CFAP61: variants seen among roughly 807,000 people sequenced by gnomAD.
CFAP61 encodes the protein cilia- and flagella-associated protein 61.
CFAP61 carries 107 observed loss-of-function variants against 135.6 expected under a neutral mutation model. That is an observed-to-expected ratio of 0.79 (90% CI 0.67 to 0.93). The LOEUF is 0.93. CFAP61 is among the 40% of genes least tolerant of loss of function. The pLI, the probability that CFAP61 is intolerant of heterozygous loss-of-function variation, is 0.00. For synonymous variants in CFAP61, 575 were observed against 578.5 expected (o/e 0.99, Z 0.09); for missense variants, 1,507 against 1,556.2 (o/e 0.97, Z 0.53).
chr20:20,181,197 ATATATATG>A (rs1339308514), intron 13 of CFAP61, among the ~76,000 whole-genome samples: 1 of 137,234 alleles, frequency 7.3e-6, no homozygotes, highest in African/African-American at 2.7e-5. Flanking sequence ...ATATATATGT[ATATATATG>A]TATATATACA....
intron 17 of CFAP61, among the ~76,000 whole-genome samples, chr20:20,218,384 G>A (rs2048177855): frequency 1.3e-5 from 2 of 152,190 alleles, no homozygotes; most frequent in African/African-American, 4.8e-5. Context: ...ATGATTGTGA[G>A]ACCTTCCCCA....
At chr20:20,231,605 C>G (rs2049142821) in intron 18 of CFAP61, among the ~76,000 whole-genome samples, 1 of 152,176 alleles carries the variant, frequency 6.6e-6, no homozygotes, top group Non-Finnish European at 1.5e-5. Flanking sequence ...TCCCTCCCCC[C>G]TTGTCTGGTG....
intron 8 of CFAP61, among the ~76,000 whole-genome samples, chr20:20,118,253 G>GTTTCTTTCTTTCTTTCTTTC (rs148875515): frequency 5.1e-4 from 71 of 138,608 alleles, no homozygotes; most frequent in Admixed American, 8.7e-4. Flanking sequence ...TTTGAGGTAT[G>GTTTCTTTCTTTCTTTCTTTC]TTTCTTTCTT....
At chr20:20,207,488 C>A (rs1246728265) in intron 17 of CFAP61, among the ~76,000 whole-genome samples, 1 of 152,210 alleles carries the variant, frequency 6.6e-6, no homozygotes, top group African/African-American at 2.4e-5. Context: ...GCTCTGGAAG[C>A]CTGCAGCCTA....
chr20:20,223,828 C>A (rs868009645), intron 17 of CFAP61, among the ~76,000 whole-genome samples: 1 of 152,278 alleles, frequency 6.6e-6, no homozygotes. Flanking sequence ...ATAAACTCAA[C>A]TGAGTGTGCA....
At chr20:20,099,081 A>C (rs2047812203) in intron 8 of CFAP61, among the ~76,000 whole-genome samples, 1 of 151,784 alleles carries the variant, frequency 6.6e-6, no homozygotes, top group South Asian at 2.1e-4. Flanking sequence ...GTTCATTGCT[A>C]GAGTACATGT....
At chr20:20,353,592 C>T (rs2058929963) in intron 26 of CFAP61, among the ~76,000 whole-genome samples, 1 of 152,034 alleles carries the variant, frequency 6.6e-6, no homozygotes, top group South Asian at 2.1e-4. Context: ...TTTTTGTGAC[C>T]AGAAATATGC....
chr20:20,284,776 T>C (rs1180218562), intron 22 of CFAP61, among the ~76,000 whole-genome samples: 1 of 152,246 alleles, frequency 6.6e-6, no homozygotes, highest in Non-Finnish European at 1.5e-5. Flanking sequence ...TCCTATATCT[T>C]ACATCTACAA....
At chr20:20,291,373 A>T (rs2147067536) in intron 24 of CFAP61, among the ~76,000 whole-genome samples, 1 of 152,320 alleles carries the variant, frequency 6.6e-6, no homozygotes, top group Non-Finnish European at 1.5e-5. Context: ...TGTCTCAGTC[A>T]CTTTGCCTTT....
At chr20:20,146,015 G>T (rs1375575493) in intron 9 of CFAP61, among the ~76,000 whole-genome samples, 1 of 152,214 alleles carries the variant, frequency 6.6e-6, no homozygotes, top group East Asian at 1.9e-4. Context: ...CCTGGCCTGG[G>T]TAGCTGAAGT....
In CFAP61 at chr20:20,294,937, AAATAAT is replaced by A. The variant is rs11474551; in HGVS notation, c.3217-3209_3217-3204del. On this transcript the variant is annotated intron_variant, in intron 24 of 26. Transcript: ENST00000245957. Reference sequence around the variant, plus strand: ...GCGACAGAGCGAGACTCCGTCTCAAAAATAATAATAATAATAATAATAATAATAATA... The same window carrying A: ...GCGACAGAGCGAGACTCCGTCTCAAAAATAATAATAATAATAATAATAATA... Among the ~76,000 whole-genome samples, 958 of 142,896 alleles carry A rather than the reference AAATAAT, an allele frequency of 6.7e-3. 7 individuals are homozygous for A. The highest frequency in any genetic ancestry group is 0.018 in the African/African-American group (698 of 38,772). 93.7% of individuals were successfully genotyped at this position (142,896 alleles called of 152,430 possible). A position where few individuals can be genotyped will look rare whatever the true frequency, so the allele number is the denominator to read the frequency against.
chr20:20,089,018 C>T (rs2046995157), intron 6 of CFAP61, among the ~76,000 whole-genome samples: 2 of 152,130 alleles, frequency 1.3e-5, no homozygotes, highest in Non-Finnish European at 1.5e-5. Flanking sequence ...TCAGGGGATT[C>T]GTTCCTGCAG....
intron 8 of CFAP61, among the ~76,000 whole-genome samples, chr20:20,101,544 T>G (rs918306334): frequency 1.3e-5 from 2 of 152,190 alleles, no homozygotes; most frequent in African/African-American, 2.4e-5. Flanking sequence ...TCTTGGATGG[T>G]TTTGACAGAA....
intron 8 of CFAP61, among the ~76,000 whole-genome samples, chr20:20,105,418 C>T (rs1350745445): frequency 6.6e-6 from 1 of 152,038 alleles, no homozygotes; most frequent in Non-Finnish European, 1.5e-5. Context: ...ACCAAATTTG[C>T]CATTTTCTCA....
intron 26 of CFAP61, among the ~76,000 whole-genome samples, chr20:20,358,020 G>A (rs2059316604): frequency 7.0e-6 from 1 of 142,944 alleles, no homozygotes; most frequent in African/African-American, 2.6e-5. Context: ...CAGTGTGAGG[G>A]GAGGTGGTCA....
intron 18 of CFAP61, among the ~76,000 whole-genome samples, chr20:20,232,248 C>G (rs2049195955): frequency 6.6e-6 from 1 of 152,198 alleles, no homozygotes; most frequent in South Asian, 2.1e-4. Context: ...GTAAAGTGAA[C>G]TCACTATAAA....
At chr20:20,264,987 T>G (rs1412952518) in intron 21 of CFAP61, among the ~76,000 whole-genome samples, 1 of 152,258 alleles carries the variant, frequency 6.6e-6, no homozygotes, top group Non-Finnish European at 1.5e-5. Context: ...ATAGACAATA[T>G]GTAAATGAAT....
intron 2 of CFAP61, among the ~76,000 whole-genome samples, chr20:20,064,276 A>G (rs979834922): frequency 5.3e-5 from 8 of 152,148 alleles, no homozygotes; most frequent in Non-Finnish European, 1.2e-4. Flanking sequence ...CATTTTCACA[A>G]TTTCACGGAT....
chr20:20,281,920 A>T (rs1172907347), intron 22 of CFAP61, among the ~76,000 whole-genome samples: 1 of 152,224 alleles, frequency 6.6e-6, no homozygotes, highest in Non-Finnish European at 1.5e-5. Flanking sequence ...GCTTTTGATA[A>T]CAAATTCATT....
Sources: gnomAD v4.1 joint callset for allele counts (sites outside exome capture counted in the v4.1 genomes callset) on GRCh38, gnomAD v4.1.1 for gene constraint, MANE v1.5 for transcripts, NCBI Gene and HGNC (gene_info 2026-07-23, HGNC 2026-07-21) for gene names.